The following BMPR1B variants were observed in gnomAD, a reference collection of about 807,000 sequenced individuals.
BMPR1B encodes bone morphogenetic protein receptor type-1B.
Under a neutral mutation model 59.1 loss-of-function variants are expected in BMPR1B, and 12 were observed. The ratio of observed to expected loss-of-function variants is 0.20; its 90% CI spans 0.13 to 0.33. The LOEUF is 0.33. Ranked by LOEUF, BMPR1B falls within the 10% of genes least tolerant of loss-of-function variation. The pLI is 1.00. For missense variants in BMPR1B, 550 were observed against 610.9 expected, an observed-to-expected ratio of 0.90 and a Z score of 1.05; for synonymous variants, 237 against 207.3, an observed-to-expected ratio of 1.14 and a Z score of -1.23.
At chr4:95,013,549 C>T (rs1385906443) in intron 3 of BMPR1B, among the ~76,000 whole-genome samples, 1 of 152,118 alleles carries the variant, frequency 6.6e-6, no homozygotes, top group Non-Finnish European at 1.5e-5. Context: ...TTTATACAGT[C>T]ATTGTTTTCT....
intron 3 of BMPR1B, among the ~76,000 whole-genome samples, chr4:95,087,752 A>T (rs1012760250): frequency 6.6e-6 from 1 of 152,108 alleles, no homozygotes; most frequent in Non-Finnish European, 1.5e-5. Context: ...AATAAATAAA[A>T]GAAAGAAAAG....
intron 8 of BMPR1B, among the ~76,000 whole-genome samples, chr4:95,127,393 T>G (rs1454668513): frequency 1.3e-5 from 2 of 152,134 alleles, no homozygotes; most frequent in African/African-American, 4.8e-5. Context: ...GTCTTTGGGA[T>G]AAGTTGTTCC....
chr4:95,115,585 T>C (rs773397183), intron 5 of BMPR1B, 100 bp from the exon 6 acceptor site: 5 of 1,004,622 alleles, frequency 5.0e-6, no homozygotes, highest in Non-Finnish European at 7.8e-6. Flanking sequence ...GTTAGAATTT[T>C]AAATTAGTTC....
In BMPR1B at chr4:94,910,204, A is replaced by G. The variant is rs983077883; in HGVS notation, c.-113+34304A>G. 3.3e-5 allele frequency among the ~76,000 whole-genome samples: 5 copies of G among 152,230 alleles called. No homozygotes were observed. The Middle Eastern group carries it at 0.01, about 311-fold the overall frequency. On this transcript the variant is annotated intron_variant, in intron 2 of 12. Coordinates refer to ENST00000515059, the MANE Select transcript of BMPR1B (RefSeq NM_001203.3). ...TGTGTGCCTTGCAACACTAAGGTAG[A>G]TTTATTGCAACTAAGGGGCCCTGAG...
intron 2 of BMPR1B, among the ~76,000 whole-genome samples, chr4:94,929,660 C>T (rs1261372310): frequency 6.6e-6 from 1 of 152,016 alleles, no homozygotes; most frequent in African/African-American, 2.4e-5. Flanking sequence ...CTTCTCTTAG[C>T]CCTATTCTGG....
chr4:94,922,174 A>C (rs1728714239), intron 2 of BMPR1B, among the ~76,000 whole-genome samples: 1 of 152,006 alleles, frequency 6.6e-6, no homozygotes. Context: ...GGAGTCTTCC[A>C]GTGTTGCCCC....
chr4:94,817,845 A>G (rs1344414548), intron 1 of BMPR1B, among the ~76,000 whole-genome samples: 1 of 152,144 alleles, frequency 6.6e-6, no homozygotes, highest in African/African-American at 2.4e-5. Context: ...AACTACTTTC[A>G]TGGGAGTTTC....
chr4:94,848,334 G>A (rs1223854146), intron 1 of BMPR1B, among the ~76,000 whole-genome samples: 1 of 152,166 alleles, frequency 6.6e-6, no homozygotes, highest in Non-Finnish European at 1.5e-5. Context: ...GCAAATGGGG[G>A]ATAAATGGTT....
intron 2 of BMPR1B, among the ~76,000 whole-genome samples, chr4:94,993,614 A>T (rs1172468915): frequency 6.6e-6 from 1 of 152,046 alleles, no homozygotes; most frequent in Non-Finnish European, 1.5e-5. Context: ...TACAAAAATT[A>T]GTCAGGTATG....
intron 1 of BMPR1B, 22 bp downstream of exon 1, chr4:94,758,090 C>T (rs1415110671): frequency 6.7e-6 from 1 of 148,348 alleles, no homozygotes; most frequent in Admixed American, 6.7e-5. Flanking sequence ...GCGGCGGGGC[C>T]CCGTCCCCTG....
intron 3 of BMPR1B, among the ~76,000 whole-genome samples, chr4:95,043,611 G>A (rs1725831417): frequency 6.6e-6 from 1 of 152,158 alleles, no homozygotes; most frequent in African/African-American, 2.4e-5. Context: ...TGATATTGTA[G>A]TAGATTTAAG....
intron 3 of BMPR1B, among the ~76,000 whole-genome samples, chr4:94,997,576 A>G (rs1722148160): frequency 6.6e-6 from 1 of 152,200 alleles, no homozygotes; most frequent in Admixed American, 6.5e-5. Flanking sequence ...GATAGCTTAA[A>G]CTGTATTTTA....
intron 3 of BMPR1B, among the ~76,000 whole-genome samples, chr4:95,045,852 A>G (rs1726013785): frequency 6.6e-6 from 1 of 152,158 alleles, no homozygotes; most frequent in Non-Finnish European, 1.5e-5. Flanking sequence ...ATCCCCCCAA[A>G]TATAGCAAAT....
intron 3 of BMPR1B, among the ~76,000 whole-genome samples, chr4:95,008,493 C>T (rs895994666): frequency 6.6e-6 from 1 of 152,156 alleles, no homozygotes; most frequent in African/African-American, 2.4e-5. Context: ...CAGATTGTTA[C>T]TACTCACCTC....
intron 8 of BMPR1B, among the ~76,000 whole-genome samples, chr4:95,128,850 G>A (rs891889739): frequency 6.6e-6 from 1 of 152,032 alleles, no homozygotes; most frequent in Admixed American, 6.6e-5. Flanking sequence ...ATCTGAAGAG[G>A]TTAAATCTAC....
intron 6 of BMPR1B, among the ~76,000 whole-genome samples, chr4:95,119,384 CT>C (rs1388777876): frequency 6.6e-6 from 1 of 151,998 alleles, no homozygotes; most frequent in Non-Finnish European, 1.5e-5. Context: ...ATTTTTAACT[CT>C]TTATATAACC....
At chr4:94,770,184 T>G (rs1722128666) in intron 1 of BMPR1B, among the ~76,000 whole-genome samples, 1 of 39,870 alleles carries the variant, frequency 2.5e-5, no homozygotes, top group South Asian at 5.6e-4. Flanking sequence ...GTTTCTGTGT[T>G]TGTTTTTTTT....
Position 94,909,192 on chromosome 4 carries a change from C to G in BMPR1B, c.-113+33292C>G, listed in dbSNP as rs553725346. The stretch of plus-strand genomic sequence containing the variant: ...AGGGCCCATTCTAATCCAGTATGAC[C>G]TCATCTTAATGAATTAAGTCTGGGA... On this transcript the variant is annotated intron_variant, in intron 2 of 12. Coordinates refer to ENST00000515059, the MANE Select transcript of BMPR1B (RefSeq NM_001203.3). 5.9e-5 allele frequency among the ~76,000 whole-genome samples: 9 copies of G among 152,100 alleles called. No homozygotes were observed. The South Asian group carries it at 1.9e-3, about 32-fold the overall frequency.
At chr4:94,987,689 A>AC (rs554940840) in intron 2 of BMPR1B, among the ~76,000 whole-genome samples, 13 of 150,282 alleles carry the variant, frequency 8.7e-5, no homozygotes, top group East Asian at 5.9e-4. Flanking sequence ...CACTTTTTTG[A>AC]CCCCCCCTCG....
Sources: allele counts gnomAD v4.1 joint callset (sites outside exome capture counted in the v4.1 genomes callset), GRCh38; gene constraint gnomAD v4.1.1; transcripts MANE v1.5; gene names NCBI Gene and HGNC (gene_info 2026-07-23, HGNC 2026-07-21).